GLRA1: variants seen among roughly 807,000 people sequenced by gnomAD.
GLRA1 encodes glycine receptor alpha 1, also known as glycine receptor subunit alpha-1.
GLRA1 carries 37 observed loss-of-function variants against 48.3 expected under a neutral mutation model. The ratio of observed to expected loss-of-function variants is 0.77; its 90% CI spans 0.59 to 1.01. The LOEUF is 1.01. GLRA1 is among the 50% of genes least tolerant of loss of function. The pLI, the probability that GLRA1 is intolerant of heterozygous loss-of-function variation, is 0.00. For missense variants in GLRA1, 427 were observed against 571.0 expected, an observed-to-expected ratio of 0.75 and a Z score of 2.57; for synonymous variants, 196 against 210.7, an observed-to-expected ratio of 0.93 and a Z score of 0.60.
At chr5:151,848,038 G>A (rs1371625919) in intron 7 of GLRA1, among the ~76,000 whole-genome samples, 1 of 152,202 alleles carries the variant, frequency 6.6e-6, no homozygotes, top group Non-Finnish European at 1.5e-5. Context: ...TTTAACACTA[G>A]AAATGTAAGT....
At chr5:151,835,993 T>G (rs1763569368) in intron 7 of GLRA1, among the ~76,000 whole-genome samples, 1 of 152,174 alleles carries the variant, frequency 6.6e-6, no homozygotes, top group African/African-American at 2.4e-5. Flanking sequence ...TAAAAGGTAT[T>G]TAAATAGGAA....
rs137916335 is a variant in GLRA1, at chr5:151,913,883, A to C, written c.56+10611T>G. The stretch of plus-strand genomic sequence containing the variant: ...GTTAAGTTCTATCCAGCTCTTAGAA[A>C]GGTGTCAGGCACGAAGGAAGCACTC... On this transcript the variant is annotated intron_variant, in intron 1 of 8. Coordinates refer to ENST00000274576, the MANE Select transcript of GLRA1 (RefSeq NM_000171.4). Among the ~76,000 whole-genome samples, 1,224 of 152,328 alleles carry C rather than the reference A, an allele frequency of 8.0e-3. 20 individuals are homozygous for C. The highest frequency in any genetic ancestry group is 0.028 in the African/African-American group (1,152 of 41,580).
At chr5:151,924,382 T>C (rs1478417440) in intron 1 of GLRA1, 112 bp downstream of exon 1, 3 of 793,766 alleles carry the variant, frequency 3.8e-6, no homozygotes, top group East Asian at 4.9e-5. Flanking sequence ...CCGATTGCAG[T>C]GGAATACAGC....
At chr5:151,827,011 GTTTC>G (rs1031358557) in intron 8 of GLRA1, among the ~76,000 whole-genome samples, 15 of 140,666 alleles carry the variant, frequency 1.1e-4, no homozygotes, top group South Asian at 2.4e-4. Flanking sequence ...CGTTTGGTCA[GTTTC>G]TTTCTTTCTT....
intron 1 of GLRA1, among the ~76,000 whole-genome samples, chr5:151,919,228 T>C (rs1460205991): frequency 6.6e-6 from 1 of 152,178 alleles, no homozygotes; most frequent in African/African-American, 2.4e-5. Context: ...GGGAAAAATA[T>C]GTTAATGATG....
chr5:151,845,403 TAGTG>T (rs1172427383), intron 7 of GLRA1, among the ~76,000 whole-genome samples: 1 of 152,184 alleles, frequency 6.6e-6, no homozygotes, highest in Non-Finnish European at 1.5e-5. Context: ...AAGATTTTAA[TAGTG>T]AGTGGAGCAG....
At chr5:151,827,344 G>A (rs1462240427) in intron 8 of GLRA1, among the ~76,000 whole-genome samples, 1 of 152,094 alleles carries the variant, frequency 6.6e-6, no homozygotes, top group Non-Finnish European at 1.5e-5. Flanking sequence ...GACATCTTCT[G>A]TATTGGAACG....
Position 151,839,464 on chromosome 5 carries a change from T to C in GLRA1, c.913-10397A>G, listed in dbSNP as rs565727689. Among the ~76,000 whole-genome samples, 4 of 152,318 alleles carry C rather than the reference T, an allele frequency of 2.6e-5. No homozygotes were observed. In the East Asian group the frequency reaches 7.7e-4, roughly 29 times the overall value. The stretch of plus-strand genomic sequence containing the variant: ...AATCAACATATAATGAAGATGTAAT[T>C]TGTATGATAATAGTGCAAAGGAAGG... On this transcript the variant is annotated intron_variant, in intron 7 of 8. Coordinates refer to ENST00000274576, the MANE Select transcript of GLRA1 (RefSeq NM_000171.4).
At chr5:151,916,168 G>T (rs2113459971) in intron 1 of GLRA1, among the ~76,000 whole-genome samples, 1 of 152,300 alleles carries the variant, frequency 6.6e-6, no homozygotes, top group South Asian at 2.1e-4. Context: ...GTTACCTGCT[G>T]TTACCAAAAG....
chr5:151,852,970 T>G (rs1442415104), intron 6 of GLRA1, among the ~76,000 whole-genome samples: 1 of 152,162 alleles, frequency 6.6e-6, no homozygotes. Flanking sequence ...CATTTTTATA[T>G]TAAGTGAAAT....
chr5:151,886,551 A>G (rs1267551161), intron 3 of GLRA1, among the ~76,000 whole-genome samples, 170 bp downstream of exon 3: 1 of 152,234 alleles, frequency 6.6e-6, no homozygotes, highest in East Asian at 1.9e-4. Flanking sequence ...ATTCACTCAA[A>G]ACATTTAATG....
At chr5:151,850,329 T>G (rs1392861113) in intron 7 of GLRA1, 1 of 1,545,608 alleles carries the variant, frequency 6.5e-7, no homozygotes, top group Non-Finnish European at 8.9e-7. Flanking sequence ...AGATCATTTC[T>G]GGGTGGGCTG....
Position 151,869,753 on chromosome 5 carries a change from C to CA in GLRA1, c.253-9746dup, listed in dbSNP as rs1463849554. Among the ~76,000 whole-genome samples, 8 of 149,002 alleles carry CA rather than the reference C, an allele frequency of 5.4e-5. No homozygotes were observed. In the East Asian group the frequency reaches 7.7e-4, roughly 14 times the overall value. ...AAAAACAAAAACAAAACAACAACAA[C>CA]AAAAAAAACCTTTTCATCAACCTAG... On this transcript the variant is annotated intron_variant, in intron 3 of 8. Transcript: ENST00000274576.
At chr5:151,842,324 A>G (rs1310474008) in intron 7 of GLRA1, among the ~76,000 whole-genome samples, 1 of 150,164 alleles carries the variant, frequency 6.7e-6, no homozygotes, top group Non-Finnish European at 1.5e-5. Flanking sequence ...CTACGTATCA[A>G]CATCTCTTAT....
At chr5:151,856,472 C>T in intron 4 of GLRA1, 89 bp from the exon 5 acceptor site, 1 of 864,700 alleles carries the variant, frequency 1.2e-6, no homozygotes, top group Non-Finnish European at 2.0e-6. Flanking sequence ...AAATCAGTTG[C>T]CCAGGATAGG....
At chr5:151,834,666 A>T (rs1360360487) in intron 7 of GLRA1, among the ~76,000 whole-genome samples, 2 of 152,214 alleles carry the variant, frequency 1.3e-5, no homozygotes, top group African/African-American at 4.8e-5. Context: ...AAAACCCTTC[A>T]AAAAATCAGT....
At chr5:151,872,197 A>G (rs921541132) in intron 3 of GLRA1, among the ~76,000 whole-genome samples, 1 of 149,474 alleles carries the variant, frequency 6.7e-6, no homozygotes, top group Non-Finnish European at 1.5e-5. Context: ...AATAGAGTTA[A>G]GCCACCACCA....
intron 1 of GLRA1, among the ~76,000 whole-genome samples, chr5:151,893,360 C>CTTTCTTTCTTTCTTTCTTTT (rs1754147012): frequency 1.0e-5 from 1 of 97,040 alleles, no homozygotes; most frequent in East Asian, 2.6e-4. Flanking sequence ...TTCTTTCTTT[C>CTTTCTTTCTTTCTTTCTTTT]ATTTTAGTTC....
rs573836751 is a variant in GLRA1, at chr5:151,913,508, C to T, written c.56+10986G>A. Among the ~76,000 whole-genome samples, 40 of 152,174 alleles carry T rather than the reference C, an allele frequency of 2.6e-4. No homozygotes were observed. In the South Asian group the frequency reaches 7.1e-3, roughly 27 times the overall value. Reference sequence around the variant, plus strand: ...TGTAAATAGCAGTGGGGGCTGTGTGCGGCAAGCTGAGAGTTTCGTATTATG... The same window carrying T: ...TGTAAATAGCAGTGGGGGCTGTGTGTGGCAAGCTGAGAGTTTCGTATTATG... On this transcript the variant is annotated intron_variant, in intron 1 of 8. Coordinates refer to ENST00000274576, the MANE Select transcript of GLRA1 (RefSeq NM_000171.4).
Sources: allele counts gnomAD v4.1 joint callset (sites outside exome capture counted in the v4.1 genomes callset), GRCh38; gene constraint gnomAD v4.1.1; transcripts MANE v1.5; gene names NCBI Gene and HGNC (gene_info 2026-07-23, HGNC 2026-07-21).